ANKRD17: variants seen among roughly 807,000 people sequenced by gnomAD.
ANKRD17 encodes ankyrin repeat domain-containing protein 17.
Under a neutral mutation model 229.7 loss-of-function variants are expected in ANKRD17, and 19 were observed. That is an observed-to-expected ratio of 0.08 (90% confidence interval 0.06 to 0.12). ANKRD17 has a LOEUF of 0.12. ANKRD17 is among the 10% of genes least tolerant of loss of function. ANKRD17 has a pLI of 1.00. For synonymous variants in ANKRD17, 1,112 were observed against 1,146.1 expected (o/e 0.97, Z 0.60); for missense variants, 2,176 against 3,176.8 (o/e 0.68, Z 7.57).
rs192400889 is a variant in ANKRD17, at chr4:73,182,340, G to A, written c.394-4807C>T. Reference sequence around the variant, plus strand: ...AAAGAACCATCAAAATGCAAGAGGCGTAGAAATCACCAGGTTCAATTCAGT... The same window carrying A: ...AAAGAACCATCAAAATGCAAGAGGCATAGAAATCACCAGGTTCAATTCAGT... On this transcript the variant is annotated intron_variant, in intron 1 of 33. Coordinates refer to ENST00000358602, the MANE Select transcript of ANKRD17 (RefSeq NM_032217.5). Among the ~76,000 whole-genome samples, 38 of 152,124 alleles carry A rather than the reference G, an allele frequency of 2.5e-4. 1 individual carries two copies. In the East Asian group the frequency reaches 6.2e-3, roughly 25 times the overall value.
At chr4:73,107,470 T>G (rs1003412452) in intron 24 of ANKRD17, among the ~76,000 whole-genome samples, 1 of 152,106 alleles carries the variant, frequency 6.6e-6, no homozygotes, top group South Asian at 2.1e-4. Context: ...TACAGATAAA[T>G]AGAATGCATA....
intron 2 of ANKRD17, among the ~76,000 whole-genome samples, chr4:73,167,351 T>C (rs1319077134): frequency 1.3e-5 from 2 of 152,144 alleles, no homozygotes; most frequent in African/African-American, 2.4e-5. Flanking sequence ...GCTTGTTAGC[T>C]ACCATAAAGA....
chr4:73,158,191 A>AGC (rs1732020794), intron 3 of ANKRD17, among the ~76,000 whole-genome samples: 1 of 143,298 alleles, frequency 7.0e-6, no homozygotes, highest in East Asian at 2.0e-4. Context: ...AAAGAAAGAG[A>AGC]GAGAAAGAAA....
At chr4:73,192,557 TAAAA>T (rs551259613) in intron 1 of ANKRD17, among the ~76,000 whole-genome samples, 2 of 149,132 alleles carry the variant, frequency 1.3e-5, no homozygotes, top group African/African-American at 4.9e-5. Context: ...TTGCTTACCT[TAAAA>T]AAAAAATGCA....
At chr4:73,142,888 C>T (rs72663003) in intron 11 of ANKRD17, 121 bp from the exon 12 acceptor site, 22,894 of 1,097,778 alleles carry the variant, frequency 0.021, 333 homozygotes, top group Middle Eastern at 0.031. Context: ...TACCCATTAC[C>T]GAGCTTTAAT....
Position 73,140,153 on chromosome 4 carries a change from C to T in ANKRD17, c.2463G>A (p.Arg821=), listed in dbSNP as rs1277334725. ...AQGKLTELEQ[R]IKEAIEKNAQ... is the part of the protein sequence containing the mutation. Reference sequence around the variant, plus strand: ...CATTCTTTTCTATGGCTTCTTTTATCCTCTGTTCCAGTTCTGTTAACTTTC... The same window carrying T: ...CATTCTTTTCTATGGCTTCTTTTATTCTCTGTTCCAGTTCTGTTAACTTTC... The change falls in exon 15 of 34, where the codon AGG becomes AGA. Residue 821 remains arginine, a synonymous_variant. Transcript: ENST00000358602. The T allele has an allele frequency of 6.2e-7, 1 of 1,614,162 alleles. No individual in the cohort carries two copies. The highest frequency in any genetic ancestry group is 2.2e-5 in the East Asian group (1 of 44,876).
At position 73,088,001 on chromosome 4, in the gene ANKRD17, G is replaced by A. The variant is rs114603659; in HGVS notation, c.6962-2555C>T. ...GGAAAAGGGGAGAGAGGAAGGGAGG[G>A]GAGTGAGGGAGAGAGTTTGAAAAGA... On this transcript the variant is annotated intron_variant, in intron 29 of 33. Transcript: ENST00000358602. Among the ~76,000 whole-genome samples, 930 of 150,714 alleles carry A rather than the reference G, an allele frequency of 6.2e-3. 11 individuals carry two copies. The highest frequency in any genetic ancestry group is 0.019 in the African/African-American group (770 of 41,028).
At chr4:73,150,619 C>T (rs1307094917) in intron 7 of ANKRD17, among the ~76,000 whole-genome samples, 1 of 152,126 alleles carries the variant, frequency 6.6e-6, no homozygotes, top group Non-Finnish European at 1.5e-5. Context: ...TCTTAAATGG[C>T]TACCTCATAT....
In ANKRD17 at chr4:73,212,895, T is replaced by C. The variant is rs112542290; in HGVS notation, c.394-35362A>G. 1.9e-3 allele frequency among the ~76,000 whole-genome samples: 282 copies of C among 150,310 alleles called. 1 individual carries two copies. Among genetic ancestry groups the C allele is most frequent in the African/African-American group, 6.6e-3 (270 of 40,982 alleles). Reference sequence around the variant, plus strand: ...AAAAAAAATTAGCGCAGAGTGGTGGTGTGTGCCTGTAATTCCAGCTACTCG... The same window carrying C: ...AAAAAAAATTAGCGCAGAGTGGTGGCGTGTGCCTGTAATTCCAGCTACTCG... On this transcript the variant is annotated intron_variant, in intron 1 of 33. Coordinates refer to ENST00000358602, the MANE Select transcript of ANKRD17 (RefSeq NM_032217.5).
At position 73,258,480 on chromosome 4, in the gene ANKRD17, C is replaced by G; in HGVS notation, c.189G>C (p.Lys63Asn). The G allele has an allele frequency of 3.1e-6, 5 of 1,588,860 alleles. No homozygotes were observed. The highest frequency in any genetic ancestry group is 1.7e-6 in the Non-Finnish European group (2 of 1,168,884). The change falls in exon 1 of 34, where the codon AAG (lysine) becomes AAC (asparagine). Residue 63 changes from lysine to asparagine, a missense_variant. By Grantham distance (94) the Lys-to-Asn change is moderately conservative. This residue lies in a region of ANKRD17 where 196 missense variants were observed against 190.0 expected (regional missense o/e 1.03). Coordinates refer to ENST00000358602, the MANE Select transcript of ANKRD17 (RefSeq NM_032217.5). ...GMVRVCDLLL[K>N]KKPPQQQHHK... ...GGTGCTGCTGCTGCGGCGGCTTCTT[C>G]TTCAGGAGCAGGTCGCAGACTCGCA...
At chr4:73,102,990 A>G (rs950272430) in intron 24 of ANKRD17, among the ~76,000 whole-genome samples, 3 of 152,174 alleles carry the variant, frequency 2.0e-5, no homozygotes, top group African/African-American at 7.2e-5. Flanking sequence ...CAAACTGCTT[A>G]TCCCAACAAC....
At chr4:73,147,186 A>G (rs1730398023) in intron 9 of ANKRD17, 55 bp downstream of exon 9, 5 of 1,448,130 alleles carry the variant, frequency 3.5e-6, no homozygotes, top group Non-Finnish European at 4.6e-6. Flanking sequence ...GCATTATGAC[A>G]TTTTTACTTA....
intron 1 of ANKRD17, among the ~76,000 whole-genome samples, chr4:73,199,135 A>G (rs1328760445): frequency 1.3e-5 from 2 of 152,058 alleles, no homozygotes; most frequent in African/African-American, 4.8e-5. Flanking sequence ...TACTGTTATA[A>G]AAGTCATCTC....
intron 1 of ANKRD17, among the ~76,000 whole-genome samples, chr4:73,249,958 C>T (rs1263756585): frequency 6.6e-6 from 1 of 152,214 alleles, no homozygotes; most frequent in Non-Finnish European, 1.5e-5. Flanking sequence ...GCCCTACCAT[C>T]ATTTTTAAAC....
At chr4:73,173,629 G>A (rs1176650407) in intron 2 of ANKRD17, among the ~76,000 whole-genome samples, 2 of 152,190 alleles carry the variant, frequency 1.3e-5, no homozygotes, top group East Asian at 3.8e-4. Flanking sequence ...AAATAACTGT[G>A]AGTTCCCAAA....
At chr4:73,231,592 T>C (rs1267758412) in intron 1 of ANKRD17, among the ~76,000 whole-genome samples, 1 of 152,266 alleles carries the variant, frequency 6.6e-6, no homozygotes, top group Non-Finnish European at 1.5e-5. Flanking sequence ...ATTTGGTCTC[T>C]GGTCTTAGAC....
intron 1 of ANKRD17, among the ~76,000 whole-genome samples, chr4:73,194,321 T>G (rs1324869509): frequency 6.6e-6 from 1 of 152,224 alleles, no homozygotes; most frequent in Non-Finnish European, 1.5e-5. Flanking sequence ...AGGTTGACAG[T>G]CAAACGTTTC....
intron 1 of ANKRD17, among the ~76,000 whole-genome samples, chr4:73,182,629 C>T (rs1045099457): frequency 6.6e-6 from 1 of 152,106 alleles, no homozygotes; most frequent in Non-Finnish European, 1.5e-5. Context: ...AACATGCCCC[C>T]GATTTATGCA....
chr4:73,149,736 G>A (rs1730751304), intron 7 of ANKRD17, among the ~76,000 whole-genome samples: 2 of 152,016 alleles, frequency 1.3e-5, no homozygotes, highest in South Asian at 2.1e-4. Context: ...GCGTGGTGGT[G>A]TGCACTTCGT....
Sources: gnomAD v4.1 joint callset for allele counts (sites outside exome capture counted in the v4.1 genomes callset) on GRCh38, gnomAD v4.1.1 for gene constraint, gnomAD v4.1.1 regional missense constraint, MANE v1.5 for transcripts, NCBI Gene and HGNC (gene_info 2026-07-23, HGNC 2026-07-21) for gene names.